The following ADGRD1 variants were observed in gnomAD, a reference collection of about 807,000 sequenced individuals.
The protein encoded by ADGRD1 is adhesion G protein-coupled receptor D1.
ADGRD1 carries 77 observed loss-of-function variants against 113.4 expected under a neutral mutation model. That is an observed-to-expected ratio of 0.68 (90% confidence interval 0.57 to 0.82). The LOEUF is 0.82. Ranked by LOEUF, ADGRD1 falls within the 40% of genes least tolerant of loss-of-function variation. The pLI, the probability that ADGRD1 is intolerant of heterozygous loss-of-function variation, is 0.00. For synonymous variants in ADGRD1, 474 were observed against 475.0 expected (o/e 1.00, Z 0.03); for missense variants, 1,036 against 1,139.1 (o/e 0.91, Z 1.30).
intron 2 of ADGRD1, among the ~76,000 whole-genome samples, chr12:130,963,496 C>T (rs1201922713): frequency 1.3e-5 from 2 of 152,154 alleles, no homozygotes; most frequent in Non-Finnish European, 2.9e-5. Context: ...CTTCTTCTCT[C>T]TCCATCCCTG....
chr12:131,114,373 C>G (rs1182398818), intron 18 of ADGRD1, among the ~76,000 whole-genome samples: 1 of 152,212 alleles, frequency 6.6e-6, no homozygotes, highest in Non-Finnish European at 1.5e-5. Flanking sequence ...GATACCAATG[C>G]AGCCCCAGTA....
chr12:131,123,039 G>GTTTTTTTTTTTTTTT lies in ADGRD1; in HGVS notation c.2175+2146_2175+2160dup, dbSNP rs552353187. ...ATTACATAATTGAATTACCTGGGGAGTTTTTTTTTTTTTTTTTTTTTTTTT... is the reference window on the plus strand; with the variant it reads ...ATTACATAATTGAATTACCTGGGGAGTTTTTTTTTTTTTTTTTTTTTTTTTTTTTTTTTTTTTTTT... On this transcript the variant is annotated intron_variant, in intron 20 of 24. Coordinates refer to ENST00000261654, the MANE Select transcript of ADGRD1 (RefSeq NM_198827.5). Among the ~76,000 whole-genome samples, 30 of 51,368 alleles carry GTTTTTTTTTTTTTTT rather than the reference G, an allele frequency of 5.8e-4. 1 individual carries two copies. The highest frequency in any genetic ancestry group is 1.1e-3 in the East Asian group (2 of 1,754). 33.7% of individuals were successfully genotyped at this position (51,368 alleles called of 152,430 possible). A position where few individuals can be genotyped will look rare whatever the true frequency, so the allele number is the denominator to read the frequency against.
intron 12 of ADGRD1, among the ~76,000 whole-genome samples, chr12:131,007,346 C>T (rs569775031): frequency 2.0e-5 from 3 of 152,356 alleles, no homozygotes; most frequent in Admixed American, 2.0e-4. Flanking sequence ...GGAGTGGCTG[C>T]CTTCCAATAC....
chr12:131,009,346 C>G (rs1461787329), intron 12 of ADGRD1, among the ~76,000 whole-genome samples: 1 of 152,200 alleles, frequency 6.6e-6, no homozygotes, highest in Admixed American at 6.5e-5. Context: ...TGGGCAGTTC[C>G]GGATTGGGGG....
intron 3 of ADGRD1, chr12:130,969,417 G>A (rs7135953): frequency 0.82 from 178,447 of 216,738 alleles, 77,597 homozygotes; most frequent in East Asian, 0.95. Context: ...TCACATTACC[G>A]CCCGAGCTCC....
Position 130,966,846 on chromosome 12 carries a change from C to T in ADGRD1, c.187+300C>T. 1 of 415,724 alleles carries T rather than the reference C, an allele frequency of 2.4e-6. No homozygotes were observed. The highest frequency in any genetic ancestry group is 4.7e-6 in the Non-Finnish European group (1 of 211,600). 25.8% of individuals were successfully genotyped at this position (415,724 alleles called of 1,614,324 possible). Reference sequence around the variant, plus strand: ...TATGTTGCCAGGCTGGTCTCAAGCTCCTGGCCTCAGCAATCCTCTGGCCTT... The same window carrying T: ...TATGTTGCCAGGCTGGTCTCAAGCTTCTGGCCTCAGCAATCCTCTGGCCTT... On this transcript the variant is annotated intron_variant, in intron 3 of 24. Transcript: ENST00000261654. The surrounding 1 kb of genome is among the most constrained non-coding windows in gnomAD (Gnocchi z 4.6).
intron 13 of ADGRD1, among the ~76,000 whole-genome samples, chr12:131,065,771 G>T (rs918762628): frequency 4.3e-5 from 6 of 140,036 alleles, no homozygotes; most frequent in African/African-American, 1.5e-4. Flanking sequence ...AGTAGATGAG[G>T]GAGAGGTTTG....
intron 13 of ADGRD1, among the ~76,000 whole-genome samples, chr12:131,065,402 C>T (rs771333348): frequency 3.9e-5 from 6 of 152,228 alleles, no homozygotes; most frequent in Non-Finnish European, 2.9e-5. Context: ...CGTGGACCCT[C>T]GGCTCTGTCT....
chr12:130,957,837 G>C (rs947551982), intron 2 of ADGRD1: 3 of 152,282 alleles, frequency 2.0e-5, no homozygotes, highest in Non-Finnish European at 4.4e-5. Context: ...CTGAGCTCTT[G>C]AAACCGCAAG....
chr12:130,991,902 C>A (rs1263574753), intron 7 of ADGRD1, among the ~76,000 whole-genome samples: 2 of 152,120 alleles, frequency 1.3e-5, no homozygotes, highest in African/African-American at 4.8e-5. Context: ...AGAAGGATCA[C>A]TTGAGGTCCG....
At position 131,093,674 on chromosome 12, in the gene ADGRD1, G is replaced by T. The variant is rs530492588; in HGVS notation, c.1671+9011G>T. Among the ~76,000 whole-genome samples the T allele has an allele frequency of 1.1e-4, 16 of 152,312 alleles. 1 individual carries two copies. The South Asian group carries it at 1.5e-3, about 14-fold the overall frequency. ...CATGTACAGCTCAAGTCAGAAACAG[G>T]CTCCCTCCACGGGGTCTCTGTGTGA... On this transcript the variant is annotated intron_variant, in intron 15 of 24. Coordinates refer to ENST00000261654, the MANE Select transcript of ADGRD1 (RefSeq NM_198827.5).
chr12:131,007,264 A>C (rs896361020), intron 12 of ADGRD1, among the ~76,000 whole-genome samples: 1 of 152,238 alleles, frequency 6.6e-6, no homozygotes, highest in Non-Finnish European at 1.5e-5. Context: ...CCAGCTTGTA[A>C]ATCGGCTTGG....
intron 3 of ADGRD1, chr12:130,969,710 A>G (rs1323277782): frequency 2.0e-5 from 3 of 152,276 alleles, no homozygotes. Context: ...ATGCACTTGA[A>G]TCATCCCGAA....
chr12:131,044,924 G>A (rs1042960492), intron 13 of ADGRD1, among the ~76,000 whole-genome samples: 1 of 152,256 alleles, frequency 6.6e-6, no homozygotes. Context: ...CGTGTGGCTG[G>A]TCCCTGCGGG....
chr12:131,024,770 G>A (rs1035713255), intron 13 of ADGRD1: 4 of 152,282 alleles, frequency 2.6e-5, no homozygotes. Flanking sequence ...AGTGATGCAA[G>A]ACTGTACTCC....
chr12:131,073,525 ATC>A (rs1885340926), intron 13 of ADGRD1, among the ~76,000 whole-genome samples: 1 of 152,244 alleles, frequency 6.6e-6, no homozygotes, highest in South Asian at 2.1e-4. Flanking sequence ...CCATGGTGCC[ATC>A]TCTCTTTTGC....
intron 13 of ADGRD1, among the ~76,000 whole-genome samples, chr12:131,058,236 A>G (rs1410995845): frequency 6.6e-6 from 1 of 152,164 alleles, no homozygotes; most frequent in Non-Finnish European, 1.5e-5. Flanking sequence ...CCTACAGAAC[A>G]CATTTTCAGT....
In ADGRD1 at chr12:130,966,885, G is replaced by T. The variant is rs981136560; in HGVS notation, c.187+339G>T. 21 of 430,714 alleles carry T rather than the reference G, an allele frequency of 4.9e-5. 1 individual carries two copies. The East Asian group carries it at 7.0e-4, about 14-fold the overall frequency. 26.7% of individuals were successfully genotyped at this position (430,714 alleles called of 1,614,324 possible). A position where few individuals can be genotyped will look rare whatever the true frequency, so the allele number is the denominator to read the frequency against. On this transcript the variant is annotated intron_variant, in intron 3 of 24. Coordinates refer to ENST00000261654, the MANE Select transcript of ADGRD1 (RefSeq NM_198827.5). The surrounding 1 kb of genome is among the most constrained non-coding windows in gnomAD (Gnocchi z 4.6). ...TCCTCTGGCCTTGGCCTCCCAAAGT[G>T]CTGGAATTACAGGCGTGAGCCACTG... is the stretch of plus-strand genomic sequence containing the variant.
chr12:131,007,106 G>T (rs1877222161), intron 12 of ADGRD1, among the ~76,000 whole-genome samples: 1 of 152,226 alleles, frequency 6.6e-6, no homozygotes, highest in African/African-American at 2.4e-5. Context: ...GAACCTGCGT[G>T]GGAAAGCGGC....
Sources: allele counts gnomAD v4.1 joint callset (sites outside exome capture counted in the v4.1 genomes callset), GRCh38; gene constraint gnomAD v4.1.1; non-coding constraint Gnocchi (gnomAD v3.1); transcripts MANE v1.5; gene names NCBI Gene and HGNC (gene_info 2026-07-23, HGNC 2026-07-21).